The following RXFP2 variants were observed in gnomAD, a reference collection of about 807,000 sequenced individuals.
RXFP2 encodes relaxin receptor 2.
RXFP2 carries 68 observed loss-of-function variants against 88.6 expected under a neutral mutation model. The ratio of observed to expected loss-of-function variants is 0.77; its 90% CI spans 0.63 to 0.94. The LOEUF is 0.94. Among genes scored for constraint, RXFP2 ranks in the 40% least tolerant of loss-of-function variants. The pLI, the probability that RXFP2 is intolerant of heterozygous loss-of-function variation, is 0.00. For missense variants in RXFP2, 791 were observed against 893.9 expected (o/e 0.88, Z 1.47); for synonymous variants, 329 against 306.8 (o/e 1.07, Z -0.76).
chr13:31,745,293 G>C (rs970095859), intron 1 of RXFP2, among the ~76,000 whole-genome samples: 2 of 152,140 alleles, frequency 1.3e-5, no homozygotes, highest in Non-Finnish European at 2.9e-5. Context: ...AGTAGTCTCA[G>C]AAGTACTTCC....
chr13:31,802,517 C>A lies in RXFP2; in HGVS notation c.*112C>A. On this transcript the variant is annotated 3_prime_UTR_variant, in exon 18 of 18. Transcript: ENST00000298386. ...TTTACCAACGGCAAGCCTTTCTGCA[C>A]AGAGAGCACAGCAGAATGGCTCCTG... 2 of 1,129,944 alleles carry A rather than the reference C, an allele frequency of 1.8e-6. No individual in the cohort carries two copies. The highest frequency in any genetic ancestry group is 2.7e-6 in the Non-Finnish European group (2 of 753,888). 70.0% of individuals were successfully genotyped at this position (1,129,944 alleles called of 1,614,324 possible). A position where few individuals can be genotyped will look rare whatever the true frequency, so the allele number is the denominator to read the frequency against.
At chr13:31,783,164 G>T (rs1400599502) in intron 11 of RXFP2, among the ~76,000 whole-genome samples, 1 of 152,144 alleles carries the variant, frequency 6.6e-6, no homozygotes, top group Non-Finnish European at 1.5e-5. Flanking sequence ...ATGCTTACTA[G>T]TCCTTGAGAA....
At chr13:31,779,883 G>C (rs1282582350) in intron 9 of RXFP2, among the ~76,000 whole-genome samples, 1 of 152,100 alleles carries the variant, frequency 6.6e-6, no homozygotes, top group Admixed American at 6.5e-5. Flanking sequence ...CTGTCAAAAG[G>C]CTTCTAAAAC....
At chr13:31,788,319 T>C (rs371857529) in intron 13 of RXFP2, among the ~76,000 whole-genome samples, 43 of 152,240 alleles carry the variant, frequency 2.8e-4, no homozygotes, top group African/African-American at 1.0e-3. Context: ...TTCGGATTAG[T>C]CAAAAAGAAA....
intron 9 of RXFP2, among the ~76,000 whole-genome samples, chr13:31,781,311 A>G (rs897003177): frequency 1.2e-4 from 19 of 152,134 alleles, no homozygotes; most frequent in African/African-American, 3.6e-4. Context: ...TAAATGGGGG[A>G]TAATAGCAGC....
chr13:31,783,755 A>C (rs1310936200), intron 11 of RXFP2, among the ~76,000 whole-genome samples: 1 of 152,110 alleles, frequency 6.6e-6, no homozygotes. Flanking sequence ...CTTGGGTTGC[A>C]TGGTGGGGTG....
chr13:31,789,001 T>C, intron 13 of RXFP2, 121 bp from the exon 14 acceptor site: 1 of 726,110 alleles, frequency 1.4e-6, no homozygotes, highest in Non-Finnish European at 2.4e-6. Context: ...TGTAAAACTT[T>C]CATTCTAATC....
intron 1 of RXFP2, among the ~76,000 whole-genome samples, chr13:31,743,736 T>C (rs1871301935): frequency 6.6e-6 from 1 of 151,982 alleles, no homozygotes; most frequent in Admixed American, 6.6e-5. Flanking sequence ...TCCATTTTCA[T>C]GTCTCGCCCT....
At chr13:31,795,595 G>A (rs749649838) in intron 16 of RXFP2, among the ~76,000 whole-genome samples, 20 of 152,176 alleles carry the variant, frequency 1.3e-4, no homozygotes, top group Admixed American at 3.3e-4. Flanking sequence ...AAATTTTACC[G>A]TATGGCTTTA....
chr13:31,742,904 G>A (rs1871271689), intron 1 of RXFP2, among the ~76,000 whole-genome samples: 1 of 152,044 alleles, frequency 6.6e-6, no homozygotes, highest in African/African-American at 2.4e-5. Flanking sequence ...TTATTTATTT[G>A]GTAAACATAT....
At chr13:31,753,389 G>A (rs544509663) in intron 1 of RXFP2, among the ~76,000 whole-genome samples, 1 of 152,236 alleles carries the variant, frequency 6.6e-6, no homozygotes, top group South Asian at 2.1e-4. Flanking sequence ...ATATTGACCA[G>A]AAGACAGAAG....
At chr13:31,777,298 G>A in intron 7 of RXFP2, 78 bp from the exon 8 acceptor site, 1 of 927,620 alleles carries the variant, frequency 1.1e-6, no homozygotes. Flanking sequence ...AAAGGAGTAG[G>A]CCAGGTGTTG....
chr13:31,741,844 A>G (rs1871233597), intron 1 of RXFP2, among the ~76,000 whole-genome samples: 1 of 152,204 alleles, frequency 6.6e-6, no homozygotes, highest in Admixed American at 6.5e-5. Flanking sequence ...ACATATCAAA[A>G]ACATGGGCTT....
chr13:31,767,694 C>A (rs1428388828), intron 5 of RXFP2, among the ~76,000 whole-genome samples: 3 of 152,176 alleles, frequency 2.0e-5, no homozygotes, highest in African/African-American at 7.2e-5. Context: ...CACCTAAGAT[C>A]TACAACTAGT....
At chr13:31,772,423 C>T (rs562873007) in intron 5 of RXFP2, among the ~76,000 whole-genome samples, 1 of 152,228 alleles carries the variant, frequency 6.6e-6, no homozygotes, top group East Asian at 1.9e-4. Context: ...TTGAAAAGTC[C>T]TGACAGCTGA....
At chr13:31,751,375 C>A (rs1340545462) in intron 1 of RXFP2, among the ~76,000 whole-genome samples, 1 of 151,922 alleles carries the variant, frequency 6.6e-6, no homozygotes, top group Non-Finnish European at 1.5e-5. Context: ...AAAGCAAGGT[C>A]GAGGTGAGCA....
chr13:31,780,005 T>C (rs1185091322), intron 9 of RXFP2, among the ~76,000 whole-genome samples: 1 of 152,082 alleles, frequency 6.6e-6, no homozygotes, highest in Non-Finnish European at 1.5e-5. Context: ...CAAGTGCATA[T>C]ACACAATGGG....
chr13:31,749,806 G>A (rs888569935), intron 1 of RXFP2, among the ~76,000 whole-genome samples: 2 of 152,058 alleles, frequency 1.3e-5, no homozygotes, highest in Admixed American at 6.6e-5. Context: ...TATTATTTAT[G>A]AATAATCACA....
At chr13:31,771,158 T>C (rs1268202728) in intron 5 of RXFP2, among the ~76,000 whole-genome samples, 1 of 152,184 alleles carries the variant, frequency 6.6e-6, no homozygotes, top group African/African-American at 2.4e-5. Context: ...CACAAATATG[T>C]GTTTTAGACT....
Sources: allele counts gnomAD v4.1 joint callset (sites outside exome capture counted in the v4.1 genomes callset), GRCh38; gene constraint gnomAD v4.1.1; transcripts MANE v1.5; gene names NCBI Gene and HGNC (gene_info 2026-07-23, HGNC 2026-07-21).